The following KCNK9 variants were observed in gnomAD, a reference collection of about 807,000 sequenced individuals.
KCNK9 encodes potassium two pore domain channel subfamily K member 9.
In KCNK9, 1 loss-of-function variant was observed where a neutral mutation model predicts 10.8. The observed-to-expected ratio is 0.09, with a 90% CI of 0.03 to 0.44. The LOEUF is 0.44. KCNK9 is among the 20% of genes least tolerant of loss of function. The pLI is 0.97. For synonymous variants in KCNK9, 231 were observed against 222.7 expected (o/e 1.04, Z -0.33); for missense variants, 303 against 515.0 (o/e 0.59, Z 3.98).
chr8:139,601,357 C>T (rs960044819), exon 3 of KCNK9: 1 of 152,182 alleles, frequency 6.6e-6, no homozygotes, highest in Non-Finnish European at 1.5e-5. Flanking sequence ...ATGAATGAGT[C>T]GGCTCTCAGG....
intron 1 of KCNK9, among the ~76,000 whole-genome samples, chr8:139,676,966 A>G (rs895842687): frequency 2.0e-5 from 3 of 152,048 alleles, no homozygotes; most frequent in East Asian, 1.9e-4. Flanking sequence ...CAAACAAACA[A>G]ACAAACAGAC....
chr8:139,641,761 C>T (rs1180143583), intron 1 of KCNK9, among the ~76,000 whole-genome samples: 1 of 152,214 alleles, frequency 6.6e-6, no homozygotes, highest in African/African-American at 2.4e-5. Flanking sequence ...GGCTGCCCTC[C>T]TGGGGGAGGA....
chr8:139,604,480 G>A (rs988786054), intron 2 of KCNK9, among the ~76,000 whole-genome samples: 4 of 152,140 alleles, frequency 2.6e-5, no homozygotes, highest in Admixed American at 6.5e-5. Context: ...CCACGCGGGC[G>A]CATCTGCACG....
At chr8:139,624,900 G>A (rs1162013310) in intron 1 of KCNK9, among the ~76,000 whole-genome samples, 2 of 152,242 alleles carry the variant, frequency 1.3e-5, no homozygotes, top group African/African-American at 4.8e-5. Context: ...ACTTGGAAAA[G>A]CTGACTCTGT....
At position 139,703,065 on chromosome 8, in the gene KCNK9, C is replaced by A. The variant is rs1350665949; in HGVS notation, c.-73G>T. 8 of 1,283,640 alleles carry A rather than the reference C, an allele frequency of 6.2e-6. No homozygotes were observed. The African/African-American group carries it at 1.1e-4, about 17-fold the overall frequency. 79.5% of individuals were successfully genotyped at this position (1,283,640 alleles called of 1,614,324 possible). ...AGCCGCGCGCGTCCCACTGCAGCGC[C>A]CGGCGGCCGCCGCCGCCTCCTCCTC... On this transcript the variant is annotated 5_prime_UTR_variant, in exon 1 of 2. Coordinates refer to ENST00000520439, the MANE Select transcript of KCNK9 (RefSeq NM_001282534.2). This position sits in a 1 kb window ranked among gnomAD's most constrained non-coding sequence, Gnocchi z 6.4.
chr8:139,662,502 T>C (rs1816181686), intron 1 of KCNK9, among the ~76,000 whole-genome samples: 1 of 152,100 alleles, frequency 6.6e-6, no homozygotes, highest in South Asian at 2.1e-4. Context: ...GAGGCTCAAG[T>C]TCTGTGCCAC....
At chr8:139,662,331 G>A (rs1816174461) in intron 1 of KCNK9, among the ~76,000 whole-genome samples, 1 of 152,198 alleles carries the variant, frequency 6.6e-6, no homozygotes, top group Non-Finnish European at 1.5e-5. Context: ...GGCTTGCTAG[G>A]GGCTGGGTGT....
At chr8:139,638,704 C>G (rs1386684313) in intron 1 of KCNK9, among the ~76,000 whole-genome samples, 1 of 152,220 alleles carries the variant, frequency 6.6e-6, no homozygotes, top group African/African-American at 2.4e-5. Context: ...CCACCTCAGG[C>G]TCTGGGGCCG....
At chr8:139,625,086 C>T (rs1242164960) in intron 1 of KCNK9, among the ~76,000 whole-genome samples, 4 of 152,158 alleles carry the variant, frequency 2.6e-5, no homozygotes, top group Non-Finnish European at 5.9e-5. Flanking sequence ...TTCATGGGTC[C>T]CCTCACCGAG....
downstream of KCNK9, chr8:139,611,738 G>C (rs1473780808): frequency 6.6e-6 from 1 of 152,264 alleles, no homozygotes; most frequent in African/African-American, 2.4e-5. Flanking sequence ...ACCCTGCCAG[G>C]CAGGTGCCGT....
chr8:139,650,358 A>G (rs1339567295), intron 1 of KCNK9, among the ~76,000 whole-genome samples: 2 of 152,182 alleles, frequency 1.3e-5, no homozygotes, highest in Non-Finnish European at 2.9e-5. Context: ...CACCCTGAAC[A>G]TGCATCGACC....
chr8:139,700,750 CG>C (rs1158898555), intron 1 of KCNK9, among the ~76,000 whole-genome samples: 3 of 152,156 alleles, frequency 2.0e-5, no homozygotes, highest in Non-Finnish European at 2.9e-5. Context: ...GAGTTTTAAC[CG>C]TTACAGGCAT....
intron 1 of KCNK9, among the ~76,000 whole-genome samples, chr8:139,643,273 T>C (rs546039505): frequency 6.6e-6 from 1 of 152,060 alleles, no homozygotes; most frequent in South Asian, 2.1e-4. Flanking sequence ...CCACCATTGG[T>C]CTCCACCCTC....
chr8:139,615,471 C>G (rs1355241197), downstream of KCNK9, among the ~76,000 whole-genome samples: 1 of 152,120 alleles, frequency 6.6e-6, no homozygotes, highest in Non-Finnish European at 1.5e-5. Flanking sequence ...TCATGCTATA[C>G]CTAGATATCT....
intron 1 of KCNK9, among the ~76,000 whole-genome samples, chr8:139,685,518 T>A (rs564328189): frequency 6.6e-6 from 1 of 152,142 alleles, no homozygotes; most frequent in Non-Finnish European, 1.5e-5. Flanking sequence ...CACCTATGAG[T>A]GAGAACATGC....
intron 1 of KCNK9, among the ~76,000 whole-genome samples, chr8:139,688,560 C>T (rs1208562723): frequency 6.6e-6 from 1 of 152,180 alleles, no homozygotes; most frequent in Admixed American, 6.5e-5. Flanking sequence ...ATGGGGATTA[C>T]AGGTCTCTCC....
chr8:139,643,551 G>A (rs747766680), intron 1 of KCNK9, among the ~76,000 whole-genome samples: 13 of 152,322 alleles, frequency 8.5e-5, no homozygotes, highest in African/African-American at 1.9e-4. Flanking sequence ...GCCAAGGGGC[G>A]GGCCTAGGGC....
At position 139,669,966 on chromosome 8, in the gene KCNK9, G is replaced by A. The variant is rs534656170; in HGVS notation, c.283+32744C>T. Among the ~76,000 whole-genome samples the A allele has an allele frequency of 5.9e-5, 9 of 152,268 alleles. No individual in the cohort carries two copies. In the East Asian group the frequency reaches 7.7e-4, roughly 13 times the overall value. On this transcript the variant is annotated intron_variant, in intron 1 of 1. Coordinates refer to ENST00000520439, the MANE Select transcript of KCNK9 (RefSeq NM_001282534.2). ...AATCTCTTTGTACATCTCCATCAGT[G>A]CTCTTGGGTGACAGGTGCATTGTCA...
intron 1 of KCNK9, among the ~76,000 whole-genome samples, chr8:139,677,336 T>C (rs1816571879): frequency 6.6e-6 from 1 of 152,046 alleles, no homozygotes; most frequent in African/African-American, 2.4e-5. Context: ...AACTGGACAA[T>C]GCTGGACTTC....
Sources: gnomAD v4.1 joint callset for allele counts (sites outside exome capture counted in the v4.1 genomes callset) on GRCh38, gnomAD v4.1.1 for gene constraint, Gnocchi (gnomAD v3.1) non-coding constraint, MANE v1.5 for transcripts, NCBI Gene and HGNC (gene_info 2026-07-23, HGNC 2026-07-21) for gene names.